EFHB: variants seen among roughly 807,000 people sequenced by gnomAD.
EFHB encodes EF-hand domain-containing family member B.
In EFHB, 91 loss-of-function variants were observed where a neutral mutation model predicts 87.2. The ratio of observed to expected loss-of-function variants is 1.04; its 90% CI spans 0.88 to 1.24. EFHB has a LOEUF of 1.24. Among genes scored for constraint, EFHB ranks in the 50% most tolerant of loss-of-function variants. The probability of loss-of-function intolerance (pLI) is 0.00; values close to 1 mark genes in which losing one functional copy is unlikely to be tolerated. For missense variants in EFHB, 1,084 were observed against 998.8 expected (o/e 1.09, Z -1.15); for synonymous variants, 325 against 333.6 (o/e 0.97, Z 0.28).
In EFHB at chr3:19,933,516, C is replaced by A. The variant is rs139782729; in HGVS notation, c.503G>T (p.Arg168Ile). The A allele has an allele frequency of 1.6e-4, 262 of 1,613,994 alleles. No individual in the cohort carries two copies. In the African/African-American group the frequency reaches 3.2e-3, roughly 20 times the overall value. The change falls in exon 1 of 13, where the codon AGA (arginine) becomes ATA (isoleucine). Residue 168 changes from arginine to isoleucine, a missense_variant. Transcript: ENST00000295824. ...GGTAGACTCTTTTTCCATTTCCTGT[C>A]TTGGTTCCATAACGAAAGCAGGCTT... ...VGKPAFVMEPRQEMEKESTCV... is the reference protein window; with the variant it reads ...VGKPAFVMEPIQEMEKESTCV...
intron 1 of EFHB, among the ~76,000 whole-genome samples, chr3:19,945,003 G>A (rs1365256017): frequency 6.6e-6 from 1 of 152,224 alleles, no homozygotes; most frequent in East Asian, 1.9e-4. Flanking sequence ...ATTATACAGA[G>A]TAAGGCAAAG....
chr3:19,901,996 A>G (rs1694687906), intron 6 of EFHB, among the ~76,000 whole-genome samples: 1 of 152,144 alleles, frequency 6.6e-6, no homozygotes, highest in South Asian at 2.1e-4. Context: ...AGGAACATGC[A>G]GAGATGATAA....
intron 6 of EFHB, 47 bp downstream of exon 6, chr3:19,905,573 T>C: frequency 1.3e-6 from 2 of 1,569,498 alleles, no homozygotes; most frequent in Non-Finnish European, 1.7e-6. Flanking sequence ...TTTCTTTAAG[T>C]CCAAATGTCT....
In EFHB at chr3:19,933,894, C is replaced by T; in HGVS notation, c.125G>A (p.Arg42Gln). ...IRVGLGKEDS[R>Q]CGESPVVSNK... ...ACTAACCACAGGGCTCTCCCCGCATCGGGAATCTTCTTTTCCTAATCCTAC... is the reference window on the plus strand; with the variant it reads ...ACTAACCACAGGGCTCTCCCCGCATTGGGAATCTTCTTTTCCTAATCCTAC... The change falls in exon 1 of 13, where the codon CGA becomes CAA. Residue 42 changes from arginine to glutamine, a missense_variant. Transcript: ENST00000295824. 1.9e-6 allele frequency: 3 copies of T among 1,613,978 alleles called. No individual in the cohort carries two copies. The highest frequency in any genetic ancestry group is 2.2e-5 in the East Asian group (1 of 44,874).
chr3:19,916,085 T>G (rs994445561), intron 4 of EFHB, among the ~76,000 whole-genome samples: 1 of 152,248 alleles, frequency 6.6e-6, no homozygotes, highest in East Asian at 1.9e-4. Flanking sequence ...TATTTTAGTT[T>G]GCTGCAGACT....
chr3:19,934,232 C>T, upstream of EFHB: 3 of 1,428,892 alleles, frequency 2.1e-6, no homozygotes, highest in East Asian at 7.6e-5. Context: ...ATCAGGTTAC[C>T]TGGGAAACAG....
chr3:19,917,551 G>C (rs1183395697), intron 4 of EFHB, among the ~76,000 whole-genome samples: 1 of 152,150 alleles, frequency 6.6e-6, no homozygotes, highest in East Asian at 1.9e-4. Flanking sequence ...CCTATGGTAA[G>C]ACTCCTAGAG....
chr3:19,935,060 G>A (rs139910418), upstream of EFHB, among the ~76,000 whole-genome samples: 2,127 of 152,108 alleles, frequency 0.014, 51 homozygotes, highest in African/African-American at 0.048. Context: ...ACAGGCATGC[G>A]CCACCATGCT....
At chr3:19,940,430 C>T (rs1184113040) in intron 1 of EFHB, 2 of 464,588 alleles carry the variant, frequency 4.3e-6, no homozygotes, top group Non-Finnish European at 8.6e-6. Context: ...TTCTCAACAG[C>T]CTGATTCTTA....
At chr3:19,939,538 C>T (rs1358842427) in intron 1 of EFHB, among the ~76,000 whole-genome samples, 1 of 148,724 alleles carries the variant, frequency 6.7e-6, no homozygotes, top group Non-Finnish European at 1.5e-5. Flanking sequence ...GCGCCCGCCA[C>T]CACACCCGGC....
At chr3:19,904,691 G>T (rs1028633819) in intron 6 of EFHB, among the ~76,000 whole-genome samples, 4 of 152,120 alleles carry the variant, frequency 2.6e-5, no homozygotes, top group African/African-American at 9.7e-5. Flanking sequence ...CATCCGCTCA[G>T]ATAATCCAGA....
chr3:19,905,065 G>A (rs907894658), intron 6 of EFHB, among the ~76,000 whole-genome samples: 13 of 152,170 alleles, frequency 8.5e-5, no homozygotes, highest in Non-Finnish European at 1.8e-4. Flanking sequence ...ATGCTCAGGT[G>A]CCCAAATAAC....
At chr3:19,913,928 G>C (rs1695141759) in intron 5 of EFHB, among the ~76,000 whole-genome samples, 1 of 152,160 alleles carries the variant, frequency 6.6e-6, no homozygotes, top group Non-Finnish European at 1.5e-5. Flanking sequence ...AACATACACT[G>C]AGGAAAAGAG....
chr3:19,936,365 A>T (rs374103144), upstream of EFHB: 163 of 534,746 alleles, frequency 3.0e-4, 3 homozygotes, highest in South Asian at 4.0e-3. Context: ...GGAGTTCAAG[A>T]CATGCATGGG....
At position 19,901,111 on chromosome 3, in the gene EFHB, A is replaced by G. The variant is rs547514175; in HGVS notation, c.1419-1596T>C. Among the ~76,000 whole-genome samples, 389 of 152,274 alleles carry G rather than the reference A, an allele frequency of 2.6e-3. 1 individual carries two copies. The highest frequency in any genetic ancestry group is 8.9e-3 in the African/African-American group (371 of 41,564). On this transcript the variant is annotated intron_variant, in intron 6 of 12. Transcript: ENST00000295824. Reference sequence around the variant, plus strand: ...ATATACAGCAATATATAATTATTTTATGTTAGGTGGAAAACAGGATATAAA... The same window carrying G: ...ATATACAGCAATATATAATTATTTTGTGTTAGGTGGAAAACAGGATATAAA...
At chr3:19,922,609 T>C (rs758187471) in intron 1 of EFHB, among the ~76,000 whole-genome samples, 1 of 152,166 alleles carries the variant, frequency 6.6e-6, no homozygotes, top group African/African-American at 2.4e-5. Flanking sequence ...AAGCCAGCCC[T>C]CTAGCCAGTG....
At chr3:19,925,326 T>C (rs1407754316) in intron 1 of EFHB, among the ~76,000 whole-genome samples, 1 of 151,878 alleles carries the variant, frequency 6.6e-6, no homozygotes, top group African/African-American at 2.4e-5. Flanking sequence ...GATCCTATAA[T>C]ATTCTGTCTA....
chr3:19,910,439 A>G (rs771116793), intron 5 of EFHB, among the ~76,000 whole-genome samples: 4 of 152,126 alleles, frequency 2.6e-5, no homozygotes, highest in Non-Finnish European at 5.9e-5. Flanking sequence ...GCAATACAGT[A>G]GAATACCTGG....
chr3:19,909,980 G>A (rs1394400952), intron 5 of EFHB, among the ~76,000 whole-genome samples: 1 of 151,966 alleles, frequency 6.6e-6, no homozygotes, highest in Non-Finnish European at 1.5e-5. Context: ...AAGGGCCTTG[G>A]GTAAGCCTCT....
Sources: gnomAD v4.1 joint callset for allele counts (sites outside exome capture counted in the v4.1 genomes callset) on GRCh38, gnomAD v4.1.1 for gene constraint, MANE v1.5 for transcripts, NCBI Gene and HGNC (gene_info 2026-07-23, HGNC 2026-07-21) for gene names.